DLG2: variants seen among roughly 807,000 people sequenced by gnomAD.
DLG2 encodes the protein discs large MAGUK scaffold protein 2, also known as disks large homolog 2.
Under a neutral mutation model 132.5 loss-of-function variants are expected in DLG2, and 45 were observed. The ratio of observed to expected loss-of-function variants is 0.34; its 90% CI spans 0.27 to 0.44. DLG2 has a LOEUF of 0.44. Ranked by LOEUF, DLG2 falls within the 20% of genes least tolerant of loss-of-function variation. DLG2 has a pLI of 1.00. For missense variants in DLG2, 1,045 were observed against 1,196.9 expected, an observed-to-expected ratio of 0.87 and a Z score of 1.87; for synonymous variants, 424 against 419.6, an observed-to-expected ratio of 1.01 and a Z score of -0.13.
intron 7 of DLG2, among the ~76,000 whole-genome samples, chr11:84,368,555 A>T (rs2098693388): frequency 6.6e-6 from 1 of 152,130 alleles, no homozygotes; most frequent in African/African-American, 2.4e-5. Flanking sequence ...AAGGAAGATC[A>T]CGTATTTGGT....
At chr11:85,008,820 C>T (rs1348197592) in intron 6 of DLG2, among the ~76,000 whole-genome samples, 1 of 151,684 alleles carries the variant, frequency 6.6e-6, no homozygotes, top group East Asian at 1.9e-4. Context: ...AACAAATAAA[C>T]AAGAACATTT....
At chr11:85,146,575 T>G (rs1443202635) in intron 5 of DLG2, among the ~76,000 whole-genome samples, 1 of 152,130 alleles carries the variant, frequency 6.6e-6, no homozygotes, top group African/African-American at 2.4e-5. Context: ...AGCGTGGTGC[T>G]TTATTTTACC....
chr11:84,534,743 G>T lies in DLG2; in HGVS notation c.358-12C>A. On this transcript the variant is annotated splice_polypyrimidine_tract_variant and intron_variant, in intron 6 of 27. Transcript: ENST00000376104. Reference sequence around the variant, plus strand: ...TGATATCGATACTTCTAGGAGAAAAGAAAAGAAAGGACAAGTATGTATATA... The same window carrying T: ...TGATATCGATACTTCTAGGAGAAAATAAAAGAAAGGACAAGTATGTATATA... The T allele has an allele frequency of 1.2e-6, 2 of 1,613,622 alleles. No homozygotes were observed. The highest frequency in any genetic ancestry group is 1.1e-5 in the South Asian group (1 of 91,068).
intron 19 of DLG2, among the ~76,000 whole-genome samples, chr11:83,623,055 CT>C (rs750771338): frequency 7.9e-5 from 12 of 152,128 alleles, no homozygotes; most frequent in Admixed American, 4.6e-4. Flanking sequence ...GTGACTAAGT[CT>C]TTTCATAGGT....
intron 6 of DLG2, among the ~76,000 whole-genome samples, chr11:84,885,460 A>G (rs1293433503): frequency 6.6e-6 from 1 of 151,978 alleles, no homozygotes; most frequent in African/African-American, 2.4e-5. Context: ...TCAGCCTCCC[A>G]AAGTGTTGGG....
chr11:83,545,239 C>T (rs2096207369), intron 19 of DLG2, among the ~76,000 whole-genome samples: 1 of 152,116 alleles, frequency 6.6e-6, no homozygotes, highest in Admixed American at 6.6e-5. Context: ...AACTGTAAAA[C>T]TGGCATAAAT....
chr11:83,812,201 T>G (rs116492829), intron 17 of DLG2, among the ~76,000 whole-genome samples: 1,877 of 152,234 alleles, frequency 0.012, 48 homozygotes, highest in African/African-American at 0.043. Flanking sequence ...TTCTCCCCAG[T>G]TACAGGGCAT....
chr11:84,194,933 G>A (rs2096486995), intron 8 of DLG2, among the ~76,000 whole-genome samples: 2 of 152,162 alleles, frequency 1.3e-5, no homozygotes, highest in South Asian at 4.2e-4. Flanking sequence ...ACTCGTCCTG[G>A]CCGCGTGCAG....
intron 3 of DLG2, among the ~76,000 whole-genome samples, chr11:85,520,515 C>CCACACACACACACA (rs3068471): frequency 1.1e-3 from 159 of 148,134 alleles, no homozygotes; most frequent in South Asian, 3.9e-3. Context: ...GTATATGGAA[C>CCACACACACACACA]CACACACACA....
intron 11 of DLG2, among the ~76,000 whole-genome samples, chr11:84,051,690 G>A (rs559630719): frequency 6.0e-4 from 91 of 150,892 alleles, no homozygotes; most frequent in Non-Finnish European, 1.0e-3. Flanking sequence ...GAGTTACTGG[G>A]TGCAGCACAC....
intron 14 of DLG2, among the ~76,000 whole-genome samples, chr11:83,938,597 A>G (rs376708890): frequency 1.9e-4 from 29 of 152,342 alleles, no homozygotes; most frequent in African/African-American, 5.3e-4. Context: ...TTGGAATTAA[A>G]TGAGTACAAT....
chr11:85,102,860 C>A (rs1364426990), intron 6 of DLG2, among the ~76,000 whole-genome samples: 3 of 151,850 alleles, frequency 2.0e-5, no homozygotes, highest in Non-Finnish European at 4.4e-5. Context: ...CACATAGTCT[C>A]GTACAGTATC....
At chr11:84,972,839 C>A (rs2054288818) in intron 6 of DLG2, among the ~76,000 whole-genome samples, 1 of 152,170 alleles carries the variant, frequency 6.6e-6, no homozygotes. Context: ...TCTCTTCCAG[C>A]TTGTTGAGAC....
In DLG2 at chr11:85,319,496, T is replaced by C. The variant is rs529870313; in HGVS notation, c.41-34131A>G. ...TTGCTATATAAATGTTTTATGGCTA[T>C]ATCATATAATTTGTATAAACACTAT... On this transcript the variant is annotated intron_variant, in intron 3 of 27. Transcript: ENST00000376104. 3.9e-5 allele frequency among the ~76,000 whole-genome samples: 6 copies of C among 151,968 alleles called. No homozygotes were observed. In the South Asian group the frequency reaches 6.2e-4, roughly 16 times the overall value.
At chr11:83,782,730 G>T (rs1435408528) in intron 18 of DLG2, among the ~76,000 whole-genome samples, 2 of 152,156 alleles carry the variant, frequency 1.3e-5, no homozygotes, top group African/African-American at 4.8e-5. Flanking sequence ...GGGTGGTGGA[G>T]GGGTGAGTGG....
At chr11:84,344,490 G>A (rs2098530360) in intron 7 of DLG2, among the ~76,000 whole-genome samples, 1 of 152,152 alleles carries the variant, frequency 6.6e-6, no homozygotes, top group South Asian at 2.1e-4. Context: ...GGAGAAAGTA[G>A]AACCAACTCA....
chr11:83,661,477 C>T (rs2074256591), intron 18 of DLG2, among the ~76,000 whole-genome samples: 2 of 152,244 alleles, frequency 1.3e-5, no homozygotes, highest in South Asian at 4.1e-4. Flanking sequence ...GTGTGTGGAG[C>T]ACCTACTATG....
At chr11:85,614,332 T>TAA (rs777965732) in intron 2 of DLG2, among the ~76,000 whole-genome samples, 14 of 151,080 alleles carry the variant, frequency 9.3e-5, no homozygotes, top group South Asian at 4.2e-4. Flanking sequence ...TTTTTTTTTT[T>TAA]AAAAATTAAC....
chr11:84,419,610 C>T (rs1397351846), intron 7 of DLG2, among the ~76,000 whole-genome samples: 2 of 152,130 alleles, frequency 1.3e-5, no homozygotes, highest in Non-Finnish European at 2.9e-5. Flanking sequence ...AAAAGTCCTC[C>T]GAACTAGACA....
Sources: allele counts gnomAD v4.1 joint callset (sites outside exome capture counted in the v4.1 genomes callset), GRCh38; gene constraint gnomAD v4.1.1; transcripts MANE v1.5; gene names NCBI Gene and HGNC (gene_info 2026-07-23, HGNC 2026-07-21).